Variants in GABRB2 observed in about 807,000 individuals in gnomAD.
GABRB2 encodes gamma-aminobutyric acid type A receptor subunit beta2, also known as gamma-aminobutyric acid receptor subunit beta-2.
GABRB2 carries 16 observed loss-of-function variants against 54.7 expected under a neutral mutation model. That is an observed-to-expected ratio of 0.29 (90% CI 0.20 to 0.44). GABRB2 has a LOEUF of 0.44. Among genes scored for constraint, GABRB2 ranks in the 20% least tolerant of loss-of-function variants. GABRB2 has a pLI of 1.00. For synonymous variants in GABRB2, 244 were observed against 233.8 expected, an observed-to-expected ratio of 1.04 and a Z score of -0.40; for missense variants, 355 against 644.0, an observed-to-expected ratio of 0.55 and a Z score of 4.86.
At chr5:161,515,976 G>A (rs1443832383) in intron 3 of GABRB2, among the ~76,000 whole-genome samples, 1 of 152,170 alleles carries the variant, frequency 6.6e-6, no homozygotes, top group East Asian at 1.9e-4. Flanking sequence ...TTTTCTGCCT[G>A]CTGCTTCATG....
At chr5:161,312,241 C>G (rs1757892815) in intron 9 of GABRB2, among the ~76,000 whole-genome samples, 1 of 152,152 alleles carries the variant, frequency 6.6e-6, no homozygotes, top group South Asian at 2.1e-4. Context: ...ACCATCCGCT[C>G]TCACTCCTCA....
At chr5:161,430,780 T>G (rs1249213597) in intron 4 of GABRB2, among the ~76,000 whole-genome samples, 1 of 152,276 alleles carries the variant, frequency 6.6e-6, no homozygotes, top group East Asian at 1.9e-4. Context: ...AGCTCAAACA[T>G]GATAAAAGCC....
At chr5:161,433,959 T>C (rs1757245222) in intron 4 of GABRB2, among the ~76,000 whole-genome samples, 1 of 152,184 alleles carries the variant, frequency 6.6e-6, no homozygotes, top group Admixed American at 6.6e-5. Context: ...ATGCTAAATC[T>C]CTGTCTCAAT....
At chr5:161,324,842 T>C (rs992225927) in intron 9 of GABRB2, among the ~76,000 whole-genome samples, 6 of 152,104 alleles carry the variant, frequency 3.9e-5, no homozygotes, top group African/African-American at 1.4e-4. Flanking sequence ...AGAATTCATA[T>C]TTTCATTGAA....
At chr5:161,538,067 A>T (rs888331054) in intron 3 of GABRB2, among the ~76,000 whole-genome samples, 1 of 151,908 alleles carries the variant, frequency 6.6e-6, no homozygotes, top group African/African-American at 2.4e-5. Context: ...TCATGACCCC[A>T]CATTGTGATT....
chr5:161,536,849 C>T (rs958061291), intron 3 of GABRB2, among the ~76,000 whole-genome samples: 3 of 152,102 alleles, frequency 2.0e-5, no homozygotes, highest in African/African-American at 7.2e-5. Context: ...TCACCCACCT[C>T]GGCCTCCCAA....
At chr5:161,439,842 G>A (rs1006206283) in intron 4 of GABRB2, among the ~76,000 whole-genome samples, 11 of 151,660 alleles carry the variant, frequency 7.3e-5, no homozygotes, top group African/African-American at 2.7e-4. Flanking sequence ...GGGGAGGGAG[G>A]GCATAAGGAA....
intron 3 of GABRB2, among the ~76,000 whole-genome samples, chr5:161,523,912 G>A (rs1484418502): frequency 2.0e-5 from 3 of 151,308 alleles, no homozygotes; most frequent in African/African-American, 7.3e-5. Flanking sequence ...TTCAATTTCT[G>A]AAGGAAACAA....
At chr5:161,369,257 G>A (rs1337861496) in intron 5 of GABRB2, among the ~76,000 whole-genome samples, 1 of 152,188 alleles carries the variant, frequency 6.6e-6, no homozygotes, top group East Asian at 1.9e-4. Flanking sequence ...GAAACTGGCA[G>A]CTCCTGCTGT....
chr5:161,294,177 C>A lies in GABRB2; in HGVS notation c.1443G>T (p.Leu481Phe). 1 of 1,614,108 alleles carries A rather than the reference C, an allele frequency of 6.2e-7. No individual in the cohort carries two copies. The highest frequency in any genetic ancestry group is 8.5e-7 in the Non-Finnish European group (1 of 1,180,002). ...ASQLKITIPD[L>F]TDVNAIDRWS... ...ACCGATCTATGGCATTCACATCAGT[C>A]AAGTCAGGGATGGTGATTTTCAGTT... The change falls in exon 10 of 10, where the codon TTG (leucine) becomes TTT (phenylalanine). Residue 481 changes from leucine (L) to phenylalanine (F), a missense_variant. Physicochemically the swap from Leu to Phe is conservative, Grantham distance 22 (BLOSUM62 0). Around this residue, in one of 6 missense-constraint regions of GABRB2, gnomAD observed 201 missense variants for 228.1 expected, o/e 0.88. Coordinates refer to ENST00000393959, the MANE Select transcript of GABRB2 (RefSeq NM_001371727.1).
chr5:161,404,128 C>T (rs1345371664), intron 5 of GABRB2, among the ~76,000 whole-genome samples: 1 of 152,104 alleles, frequency 6.6e-6, no homozygotes, highest in Non-Finnish European at 1.5e-5. Flanking sequence ...CAGGAAATGT[C>T]AGAGGTTCAA....
chr5:161,536,396 A>G (rs568387942), intron 3 of GABRB2, among the ~76,000 whole-genome samples: 7 of 152,144 alleles, frequency 4.6e-5, no homozygotes, highest in Non-Finnish European at 7.4e-5. Context: ...GTGGTCACAG[A>G]GTGTTCACAC....
At chr5:161,368,838 A>G (rs1201458459) in intron 5 of GABRB2, among the ~76,000 whole-genome samples, 1 of 152,166 alleles carries the variant, frequency 6.6e-6, no homozygotes, top group Non-Finnish European at 1.5e-5. Context: ...AGTGAGGTGT[A>G]ATTTTAGTTA....
intron 3 of GABRB2, among the ~76,000 whole-genome samples, chr5:161,512,504 G>A (rs1389135257): frequency 6.6e-6 from 1 of 152,042 alleles, no homozygotes; most frequent in Admixed American, 6.6e-5. Context: ...TGGGATAGCT[G>A]GCTAGCCATA....
intron 2 of GABRB2, among the ~76,000 whole-genome samples, chr5:161,545,836 G>A (rs564518011): frequency 4.6e-5 from 7 of 152,114 alleles, no homozygotes; most frequent in Non-Finnish European, 8.8e-5. Context: ...ATTTCTGTGA[G>A]GCTGGGAGGA....
intron 3 of GABRB2, among the ~76,000 whole-genome samples, chr5:161,531,512 T>A (rs1202464139): frequency 6.6e-6 from 1 of 151,892 alleles, no homozygotes; most frequent in Non-Finnish European, 1.5e-5. Context: ...CAAAACATTA[T>A]TTTTTTTCTA....
At chr5:161,346,070 A>G (rs1286917246) in intron 5 of GABRB2, among the ~76,000 whole-genome samples, 1 of 152,140 alleles carries the variant, frequency 6.6e-6, no homozygotes, top group Non-Finnish European at 1.5e-5. Flanking sequence ...GTGTCAGAGT[A>G]TCAGAGTCAT....
At chr5:161,475,567 A>G (rs189829500) in intron 3 of GABRB2, among the ~76,000 whole-genome samples, 54 of 152,060 alleles carry the variant, frequency 3.6e-4, no homozygotes, top group African/African-American at 1.3e-3. Context: ...CCTCAACTAA[A>G]TACTAGCAAA....
At chr5:161,537,845 T>C (rs1007642200) in intron 3 of GABRB2, among the ~76,000 whole-genome samples, 3 of 152,090 alleles carry the variant, frequency 2.0e-5, no homozygotes, top group African/African-American at 7.2e-5. Context: ...ACACCAAATC[T>C]ACCCTTTCCT....
Sources: allele counts gnomAD v4.1 joint callset (sites outside exome capture counted in the v4.1 genomes callset), GRCh38; gene constraint gnomAD v4.1.1; regional missense constraint gnomAD v4.1.1; transcripts MANE v1.5; gene names NCBI Gene and HGNC (gene_info 2026-07-23, HGNC 2026-07-21).